SAFB2: variants seen among roughly 807,000 people sequenced by gnomAD.
SAFB2 encodes scaffold attachment factor B2.
A neutral mutation model predicts 100.6 loss-of-function variants in SAFB2; 32 were observed. The observed-to-expected ratio is 0.32, with a 90% CI of 0.24 to 0.43. SAFB2 has a LOEUF of 0.43. Ranked by LOEUF, SAFB2 falls within the 20% of genes least tolerant of loss-of-function variation. The probability of loss-of-function intolerance (pLI) is 1.00; values close to 1 mark genes in which losing one functional copy is unlikely to be tolerated. For synonymous variants in SAFB2, 500 were observed against 439.4 expected, an observed-to-expected ratio of 1.14 and a Z score of -1.72; for missense variants, 1,185 against 1,163.4, an observed-to-expected ratio of 1.02 and a Z score of -0.27.
intron 4 of SAFB2, among the ~76,000 whole-genome samples, chr19:5,614,144 C>T (rs890951426): frequency 1.3e-5 from 2 of 152,092 alleles, no homozygotes; most frequent in African/African-American, 2.4e-5. Flanking sequence ...TTAGTAGAGA[C>T]GGGGTTTCAC....
At chr19:5,599,192 C>T (rs989466001) in intron 12 of SAFB2, among the ~76,000 whole-genome samples, 2 of 152,162 alleles carry the variant, frequency 1.3e-5, no homozygotes, top group African/African-American at 4.8e-5. Context: ...CCACTCTAAA[C>T]CCACACAGCT....
At chr19:5,619,977 T>G (rs1490229192) in intron 2 of SAFB2, among the ~76,000 whole-genome samples, 1 of 152,212 alleles carries the variant, frequency 6.6e-6, no homozygotes, top group Non-Finnish European at 1.5e-5. Context: ...TTAAGCAGTT[T>G]TCCCAACCAC....
Position 5,613,532 on chromosome 19 carries a change from A to G in SAFB2, c.544-5T>C. 6 of 1,613,696 alleles carry G rather than the reference A, an allele frequency of 3.7e-6. No homozygotes were observed. The highest frequency in any genetic ancestry group is 1.7e-4 in the Middle Eastern group (1 of 6,060). On this transcript the variant is annotated splice_region_variant and splice_polypyrimidine_tract_variant and intron_variant, in intron 4 of 20. Transcript: ENST00000252542. ...CTTAAATCCTTCCCCATCCACCTGA[A>G]AAACAAAATGGAAGATGACTTCGTG...
Position 5,587,928 on chromosome 19 carries a change from G to C in SAFB2, c.2578C>G (p.Arg860Gly). 3 of 1,612,722 alleles carry C rather than the reference G, an allele frequency of 1.9e-6. No homozygotes were observed. The highest frequency in any genetic ancestry group is 1.7e-4 in the Middle Eastern group (1 of 6,060). ...HNQRLEEHQA[R>G]AWQGAMDAGA... ...GCGTCCATGGCACCCTGCCAGGCGC[G>C]TGCCTGGTGCTCCTCTAGCCGCTGG... The change falls in exon 19 of 21, where the codon CGC becomes GGC. Residue 860 changes from arginine (R) to glycine (G), a missense_variant. Around this residue, in one of 3 missense-constraint regions of SAFB2, gnomAD observed 740 missense variants for 687.1 expected, o/e 1.08. Transcript: ENST00000252542. The surrounding 1 kb of genome is among the most constrained non-coding windows in gnomAD (Gnocchi z 4.9).
chr19:5,597,804 G>A (rs1488702434), intron 13 of SAFB2, among the ~76,000 whole-genome samples: 5 of 152,176 alleles, frequency 3.3e-5, no homozygotes, highest in African/African-American at 1.2e-4. Context: ...ATTAGGAACT[G>A]ATACTTTATA....
intron 16 of SAFB2, 38 bp downstream of exon 16, chr19:5,592,709 C>T: frequency 6.2e-7 from 1 of 1,611,214 alleles, no homozygotes; most frequent in South Asian, 1.1e-5. Context: ...CCGGTGCCCA[C>T]AATGACTGTA....
In SAFB2 at chr19:5,594,045, C is replaced by G. The variant is rs1234269930; in HGVS notation, c.2053G>C (p.Glu685Gln). 1 of 1,583,402 alleles carries G rather than the reference C, an allele frequency of 6.3e-7. No individual in the cohort carries two copies. Among genetic ancestry groups the G allele is most frequent in the Admixed American group, 1.8e-5 (1 of 56,792 alleles). The change falls in exon 15 of 21, where the codon GAG (glutamate) becomes CAG (glutamine). Residue 685 changes from glutamate to glutamine, a missense_variant. Physicochemically the swap from Glu to Gln is conservative, Grantham distance 29 (BLOSUM62 2). Coordinates refer to ENST00000252542, the MANE Select transcript of SAFB2 (RefSeq NM_014649.3). ...QRLERERMER[E>Q]RLERERMRVE... ...CGCATGCGCTCGCGCTCCAGCCGCT[C>G]CCGCTCCATGCGCTCCCGCTCCAGC...
chr19:5,587,176 C>A lies in SAFB2; in HGVS notation c.*67G>T. 1 of 1,581,034 alleles carries A rather than the reference C, an allele frequency of 6.3e-7. No individual in the cohort carries two copies. The highest frequency in any genetic ancestry group is 8.6e-7 in the Non-Finnish European group (1 of 1,156,534). Reference sequence around the variant, plus strand: ...TGCTTTTAAAAAGATCCCCCAAGTTCGAGGGAACCCTGGCTACCAGATTCA... The same window carrying A: ...TGCTTTTAAAAAGATCCCCCAAGTTAGAGGGAACCCTGGCTACCAGATTCA... On this transcript the variant is annotated 3_prime_UTR_variant, in exon 21 of 21. Transcript: ENST00000252542. The surrounding 1 kb of genome is among the most constrained non-coding windows in gnomAD (Gnocchi z 4.9).
At chr19:5,609,650 G>C (rs914226478) in intron 9 of SAFB2, among the ~76,000 whole-genome samples, 1 of 152,154 alleles carries the variant, frequency 6.6e-6, no homozygotes, top group African/African-American at 2.4e-5. Context: ...AGACCAGTTA[G>C]AAAGAACCCC....
intron 1 of SAFB2, 45 bp downstream of exon 1, chr19:5,622,485 G>A (rs1447406645): frequency 2.7e-6 from 4 of 1,487,310 alleles, no homozygotes; most frequent in Non-Finnish European, 3.6e-6. Flanking sequence ...AGGCGGGGGC[G>A]TGCCCGGGCC....
At chr19:5,622,274 T>C (rs1431094265) in intron 1 of SAFB2, among the ~76,000 whole-genome samples, 2 of 152,156 alleles carry the variant, frequency 1.3e-5, no homozygotes, top group Non-Finnish European at 1.5e-5. Context: ...GGGGCCACCC[T>C]GGTAGCGGAG....
At chr19:5,594,971 C>T (rs916191656) in intron 14 of SAFB2, among the ~76,000 whole-genome samples, 2 of 152,272 alleles carry the variant, frequency 1.3e-5, no homozygotes, top group East Asian at 1.9e-4. Flanking sequence ...ACCTCAACCT[C>T]CTGAGTAGCT....
intron 9 of SAFB2, among the ~76,000 whole-genome samples, chr19:5,606,638 C>CAA (rs992989174): frequency 1.1e-4 from 17 of 151,538 alleles, no homozygotes; most frequent in African/African-American, 3.6e-4. Flanking sequence ...CAAAACAAAA[C>CAA]AAAAAAACCA....
intron 18 of SAFB2, among the ~76,000 whole-genome samples, chr19:5,588,494 C>T (rs537166421): frequency 2.4e-4 from 36 of 152,174 alleles, no homozygotes; most frequent in Non-Finnish European, 4.3e-4. Context: ...ACCCCAACAC[C>T]CATGAACTGA....
At chr19:5,606,934 T>A (rs2052787170) in intron 9 of SAFB2, among the ~76,000 whole-genome samples, 1 of 152,194 alleles carries the variant, frequency 6.6e-6, no homozygotes, top group African/African-American at 2.4e-5. Flanking sequence ...GAGGTGAACA[T>A]GATTTTTTCC....
intron 18 of SAFB2, chr19:5,588,858 C>T (rs1311434632): frequency 2.6e-5 from 4 of 152,238 alleles, no homozygotes; most frequent in Admixed American, 6.5e-5. Flanking sequence ...AAGTGTGTGT[C>T]GTGTGAACTA....
chr19:5,622,768 A>G lies in SAFB2; in HGVS notation c.-53T>C. 1.3e-6 allele frequency: 2 copies of G among 1,543,678 alleles called. No individual in the cohort carries two copies. Among genetic ancestry groups the G allele is most frequent in the East Asian group, 2.4e-5 (1 of 41,558 alleles). ...TCAGTCGCACACCGCCGGCAGCTAT[A>G]GCGGCTCTGAACACAAAATGGCGCC... is the stretch of plus-strand genomic sequence containing the variant. On this transcript the variant is annotated 5_prime_UTR_variant, in exon 1 of 21. Transcript: ENST00000252542.
intron 6 of SAFB2, chr19:5,612,200 A>T: frequency 2.6e-6 from 1 of 387,354 alleles, no homozygotes; most frequent in Non-Finnish European, 4.7e-6. Flanking sequence ...AACTGCGTTA[A>T]TCAAAATGAC....
chr19:5,594,813 G>T (rs1270688413), intron 14 of SAFB2, among the ~76,000 whole-genome samples: 2 of 152,142 alleles, frequency 1.3e-5, no homozygotes, highest in Middle Eastern at 3.2e-3. Context: ...TTATCAGCCT[G>T]GCAACATAGC....
Sources: allele counts gnomAD v4.1 joint callset (sites outside exome capture counted in the v4.1 genomes callset), GRCh38; gene constraint gnomAD v4.1.1; regional missense constraint gnomAD v4.1.1; non-coding constraint Gnocchi (gnomAD v3.1); transcripts MANE v1.5; gene names NCBI Gene and HGNC (gene_info 2026-07-23, HGNC 2026-07-21).